Variants in PRSS23 observed in about 807,000 individuals in gnomAD.
PRSS23 encodes the protein protease, serine 23.
Under a neutral mutation model 34.7 loss-of-function variants are expected in PRSS23, and 25 were observed. The ratio of observed to expected loss-of-function variants is 0.72; its 90% CI spans 0.53 to 1.01. PRSS23 has a LOEUF of 1.01. Among genes scored for constraint, PRSS23 ranks in the 50% least tolerant of loss-of-function variants. The probability of loss-of-function intolerance (pLI) is 0.00; values close to 1 mark genes in which losing one functional copy is unlikely to be tolerated. For synonymous variants in PRSS23, 176 were observed against 186.6 expected, an observed-to-expected ratio of 0.94 and a Z score of 0.46; for missense variants, 445 against 475.6, an observed-to-expected ratio of 0.94 and a Z score of 0.60.
intron 2 of PRSS23, among the ~76,000 whole-genome samples, chr11:86,891,252 G>A (rs1948839315): frequency 6.6e-6 from 1 of 152,142 alleles, no homozygotes; most frequent in African/African-American, 2.4e-5. Flanking sequence ...AAATTACCTG[G>A]ATAATTACCT....
chr11:86,808,546 C>T lies in PRSS23; in HGVS notation c.903C>T (p.Thr301=), dbSNP rs1334229432. The T allele has an allele frequency of 3.7e-6, 6 of 1,614,226 alleles. No homozygotes were observed. Among genetic ancestry groups the T allele is most frequent in the Admixed American group, 1.7e-5 (1 of 60,030 alleles). The change falls in exon 2 of 2, where the codon ACC becomes ACT. Residue 301 remains threonine (T), a synonymous_variant. Transcript: ENST00000280258. ...VYRFCDVKDE[T]YDLLYQQCDA... ...GCTTCTGTGACGTCAAAGACGAGAC[C>T]TATGACTTGCTCTACCAGCAATGCG... is the stretch of plus-strand genomic sequence containing the variant.
At chr11:86,894,579 T>C (rs185031480) in intron 2 of PRSS23, among the ~76,000 whole-genome samples, 28 of 152,244 alleles carry the variant, frequency 1.8e-4, no homozygotes, top group Admixed American at 1.6e-3. Flanking sequence ...TTCCATCTTA[T>C]TGCTTCTCCA....
At chr11:86,887,380 C>CA (rs1948809298) in intron 2 of PRSS23, among the ~76,000 whole-genome samples, 2 of 93,340 alleles carry the variant, frequency 2.1e-5, no homozygotes, top group African/African-American at 8.4e-5. Flanking sequence ...CAGAAGGGGT[C>CA]AAAAAAACAG....
At chr11:86,855,124 C>T (rs548076686) in intron 2 of PRSS23, among the ~76,000 whole-genome samples, 1 of 151,582 alleles carries the variant, frequency 6.6e-6, no homozygotes, top group African/African-American at 2.4e-5. Context: ...TGAGATCACA[C>T]CATTGCACTC....
chr11:86,818,136 A>T (rs141303959), intron 1 of PRSS23, among the ~76,000 whole-genome samples: 1 of 152,370 alleles, frequency 6.6e-6, no homozygotes, highest in African/African-American at 2.4e-5. Context: ...AATTACCTGC[A>T]GAGAAGATAC....
At chr11:86,880,391 C>T (rs1275666234) in intron 2 of PRSS23, among the ~76,000 whole-genome samples, 4 of 151,632 alleles carry the variant, frequency 2.6e-5, no homozygotes, top group Non-Finnish European at 5.9e-5. Context: ...CCACTATTGT[C>T]CTATGACCCT....
chr11:86,854,122 TC>T (rs1340959190), intron 2 of PRSS23, among the ~76,000 whole-genome samples: 2 of 152,214 alleles, frequency 1.3e-5, no homozygotes, highest in Admixed American at 1.3e-4. Context: ...TGCCTCAGCC[TC>T]CCAGCTAGCT....
chr11:86,842,858 A>C (rs888003210), intron 2 of PRSS23, among the ~76,000 whole-genome samples: 5 of 152,242 alleles, frequency 3.3e-5, no homozygotes, highest in African/African-American at 1.2e-4. Flanking sequence ...AAGGTAATTT[A>C]TAGATTCAAT....
chr11:86,872,626 A>G lies in PRSS23; in HGVS notation c.206+49033A>G, dbSNP rs117157336. On this transcript the variant is annotated intron_variant, in intron 2 of 2. Coordinates refer to the PRSS23 transcript ENST00000533902. Reference sequence around the variant, plus strand: ...TGAATTTTTCTTCAAAGGAGTAAATAGACTTAATTTTTCATACAAGAAAAT... The same window carrying G: ...TGAATTTTTCTTCAAAGGAGTAAATGGACTTAATTTTTCATACAAGAAAAT... Among the ~76,000 whole-genome samples the G allele has an allele frequency of 3.2e-4, 48 of 152,348 alleles. No individual in the cohort carries two copies. The East Asian group carries it at 8.7e-3, about 28-fold the overall frequency.
chr11:86,831,586 A>G lies in PRSS23; in HGVS notation c.206+7993A>G, dbSNP rs140236923. Among the ~76,000 whole-genome samples, 5 of 151,856 alleles carry G rather than the reference A, an allele frequency of 3.3e-5. No homozygotes were observed. In the East Asian group the frequency reaches 9.7e-4, roughly 29 times the overall value. ...GGCTCTACACCCTGTAATATTATTC[A>G]TAATATCCTAGGGGAATGTTACTAC... On this transcript the variant is annotated intron_variant, in intron 2 of 2. Transcript: ENST00000533902.
chr11:86,795,145 G>T (rs190640502), intron 1 of PRSS23, among the ~76,000 whole-genome samples: 1 of 152,212 alleles, frequency 6.6e-6, no homozygotes, highest in Non-Finnish European at 1.5e-5. Context: ...ATAACAGTTT[G>T]ATTTATTCAT....
At chr11:86,800,334 T>G (rs1006743007), upstream of PRSS23, 5 of 583,212 alleles carry the variant, frequency 8.6e-6, no homozygotes, top group Middle Eastern at 8.6e-4. Context: ...GGGGCCCACC[T>G]GCGCAGGGAC....
At chr11:86,861,571 G>T (rs1489593690) in intron 2 of PRSS23, among the ~76,000 whole-genome samples, 1 of 151,708 alleles carries the variant, frequency 6.6e-6, no homozygotes, top group Non-Finnish European at 1.5e-5. Context: ...CCCATTTGCA[G>T]GGGGCGGACA....
Position 86,870,978 on chromosome 11 carries a change from A to G in PRSS23, c.206+47385A>G, listed in dbSNP as rs1046067201. 3.3e-5 allele frequency among the ~76,000 whole-genome samples: 5 copies of G among 152,194 alleles called. No individual in the cohort carries two copies. The South Asian group carries it at 8.3e-4, about 25-fold the overall frequency. On this transcript the variant is annotated intron_variant, in intron 2 of 2. Coordinates refer to the PRSS23 transcript ENST00000533902. ...GTCTGCTAACTCCTACATCCATGTCATCTCTGGGACTATTTATATTGACAA... is the reference window on the plus strand; with the variant it reads ...GTCTGCTAACTCCTACATCCATGTCGTCTCTGGGACTATTTATATTGACAA...
At chr11:86,932,755 C>T (rs1949134865) in intron 2 of PRSS23, 1 of 152,176 alleles carries the variant, frequency 6.6e-6, no homozygotes. Flanking sequence ...GAAGAGGAGA[C>T]ATCCCTGCAC....
intron 1 of PRSS23, chr11:86,823,279 G>C: frequency 1.5e-6 from 1 of 653,778 alleles, no homozygotes; most frequent in South Asian, 1.7e-5. Flanking sequence ...TCATTTTACA[G>C]ATGAAGAGAC....
At position 86,900,824 on chromosome 11, in the gene PRSS23, G is replaced by T. The variant is rs7119845; in HGVS notation, c.207-50392G>T. 3.2e-5 allele frequency among the ~76,000 whole-genome samples: 4 copies of T among 123,144 alleles called. No homozygotes were observed. The Admixed American group carries it at 3.3e-4, about 10-fold the overall frequency. 80.8% of individuals were successfully genotyped at this position (123,144 alleles called of 152,430 possible). ...TTTTGAGACGGAGTCTCGCTCTGTC[G>T]CCCAGGCTGGAGTGCAGTGATGCGA... On this transcript the variant is annotated intron_variant, in intron 2 of 2. Coordinates refer to the PRSS23 transcript ENST00000533902.
intron 2 of PRSS23, among the ~76,000 whole-genome samples, chr11:86,867,687 C>T (rs1332993634): frequency 2.6e-5 from 4 of 151,950 alleles, no homozygotes; most frequent in African/African-American, 9.7e-5. Context: ...TGAGATCAGC[C>T]TGGGCAACAT....
chr11:86,932,656 T>C (rs1454374001), intron 2 of PRSS23: 1 of 152,184 alleles, frequency 6.6e-6, no homozygotes, highest in Non-Finnish European at 1.5e-5. Context: ...TTTAATTTAA[T>C]GTTGATTTTG....
Sources: gnomAD v4.1 joint callset for allele counts (sites outside exome capture counted in the v4.1 genomes callset) on GRCh38, gnomAD v4.1.1 for gene constraint, MANE v1.5 for transcripts, NCBI Gene and HGNC (gene_info 2026-07-23, HGNC 2026-07-21) for gene names.